The following PPA2 variants were observed in gnomAD, a reference collection of about 807,000 sequenced individuals.
PPA2 encodes the protein inorganic pyrophosphatase 2, mitochondrial.
Under a neutral mutation model 49.5 loss-of-function variants are expected in PPA2, and 48 were observed. The observed-to-expected ratio is 0.97, with a 90% CI of 0.77 to 1.23. PPA2 has a LOEUF of 1.23. Ranked by LOEUF, PPA2 falls within the 50% of genes most tolerant of loss-of-function variation. The probability of loss-of-function intolerance (pLI) is 0.00; values close to 1 mark genes in which losing one functional copy is unlikely to be tolerated. For missense variants in PPA2, 429 were observed against 410.1 expected, an observed-to-expected ratio of 1.05 and a Z score of -0.40; for synonymous variants, 131 against 139.9, an observed-to-expected ratio of 0.94 and a Z score of 0.45.
intron 1 of PPA2, among the ~76,000 whole-genome samples, chr4:105,464,353 A>C (rs1437366792): frequency 6.6e-6 from 1 of 152,198 alleles, no homozygotes; most frequent in Non-Finnish European, 1.5e-5. Context: ...CTGTGCCCCC[A>C]TTGTATCTAA....
intron 6 of PPA2, among the ~76,000 whole-genome samples, chr4:105,433,228 A>T (rs1001528764): frequency 1.3e-5 from 2 of 152,166 alleles, no homozygotes; most frequent in African/African-American, 4.8e-5. Context: ...TCTGAGGGAC[A>T]CTTTATATGT....
At chr4:105,469,866 C>T (rs926475229) in intron 1 of PPA2, among the ~76,000 whole-genome samples, 3 of 152,184 alleles carry the variant, frequency 2.0e-5, no homozygotes, top group South Asian at 4.1e-4. Flanking sequence ...GGATTATTCA[C>T]GGGAAGTTCT....
chr4:105,473,428 G>T, intron 1 of PPA2: 1 of 376,610 alleles, frequency 2.7e-6, no homozygotes, highest in Non-Finnish European at 5.2e-6. Flanking sequence ...AGTTCCGCCT[G>T]CCTCTCCGAC....
At chr4:105,431,688 T>A (rs552687272) in intron 6 of PPA2, among the ~76,000 whole-genome samples, 35 of 152,206 alleles carry the variant, frequency 2.3e-4, no homozygotes, top group African/African-American at 8.2e-4. Flanking sequence ...CAAATGCCCA[T>A]CAACTAATGA....
intron 7 of PPA2, among the ~76,000 whole-genome samples, chr4:105,419,535 G>A (rs935176821): frequency 1.3e-5 from 2 of 152,150 alleles, no homozygotes; most frequent in African/African-American, 4.8e-5. Flanking sequence ...TTTAGAAGGT[G>A]AAACTAGAAG....
intron 5 of PPA2, among the ~76,000 whole-genome samples, chr4:105,445,495 A>T (rs78911506): frequency 0.034 from 5,007 of 148,162 alleles, 275 homozygotes; most frequent in African/African-American, 0.11. Context: ...ATTTTTTTTT[A>T]AATTTTCCTG....
At chr4:105,375,626 C>A (rs1207088034) in intron 10 of PPA2, among the ~76,000 whole-genome samples, 1 of 152,088 alleles carries the variant, frequency 6.6e-6, no homozygotes, top group Non-Finnish European at 1.5e-5. Flanking sequence ...GTCAAAGCAA[C>A]CCTGGTGATA....
chr4:105,447,812 C>A (rs1722473583), intron 4 of PPA2, among the ~76,000 whole-genome samples: 1 of 151,042 alleles, frequency 6.6e-6, no homozygotes, highest in South Asian at 2.1e-4. Flanking sequence ...CAGCTCACTG[C>A]AACCTCTGCC....
At chr4:105,373,457 T>C (rs1386445827) in intron 10 of PPA2, among the ~76,000 whole-genome samples, 2 of 141,080 alleles carry the variant, frequency 1.4e-5, no homozygotes, top group Admixed American at 7.3e-5. Flanking sequence ...AGTATAACAA[T>C]ACAAAATTTT....
At chr4:105,433,363 C>A (rs1490828290) in intron 6 of PPA2, among the ~76,000 whole-genome samples, 3 of 152,164 alleles carry the variant, frequency 2.0e-5, no homozygotes, top group Non-Finnish European at 4.4e-5. Flanking sequence ...AGAGAAGTTT[C>A]ATCTTCCTTA....
intron 5 of PPA2, 31 bp downstream of exon 5, chr4:105,446,352 G>T: frequency 6.6e-7 from 1 of 1,523,788 alleles, no homozygotes; most frequent in South Asian, 1.3e-5. Flanking sequence ...CAGAAGACAG[G>T]AACATTTTAC....
intron 7 of PPA2, among the ~76,000 whole-genome samples, chr4:105,419,250 G>C (rs1723144798): frequency 6.6e-6 from 1 of 152,122 alleles, no homozygotes; most frequent in Non-Finnish European, 1.5e-5. Flanking sequence ...TTGGTGTGCT[G>C]CGCCCATTAA....
chr4:105,441,745 T>C (rs72950594), intron 5 of PPA2, among the ~76,000 whole-genome samples: 5,014 of 152,206 alleles, frequency 0.033, 273 homozygotes, highest in African/African-American at 0.11. Flanking sequence ...TAAAAATGAA[T>C]AAATCAGAAT....
At chr4:105,412,364 TG>T (rs1013810599) in intron 7 of PPA2, among the ~76,000 whole-genome samples, 12 of 152,206 alleles carry the variant, frequency 7.9e-5, no homozygotes, top group African/African-American at 2.9e-4. Flanking sequence ...ATTTAATAAA[TG>T]GTGCTGGGAA....
chr4:105,465,787 T>C (rs887319612), intron 1 of PPA2, among the ~76,000 whole-genome samples: 10 of 152,006 alleles, frequency 6.6e-5, no homozygotes, highest in Non-Finnish European at 1.5e-4. Context: ...AATAGCTGTA[T>C]AATAATGTGA....
At chr4:105,452,168 CTT>C (rs1368577377) in intron 3 of PPA2, among the ~76,000 whole-genome samples, 3 of 152,196 alleles carry the variant, frequency 2.0e-5, no homozygotes, top group Non-Finnish European at 4.4e-5. Flanking sequence ...AGAAATCACT[CTT>C]CTTTCCTCTC....
chr4:105,444,957 G>T (rs1724536007), intron 5 of PPA2, among the ~76,000 whole-genome samples: 1 of 152,070 alleles, frequency 6.6e-6, no homozygotes, highest in Non-Finnish European at 1.5e-5. Context: ...TTTTACAGAT[G>T]AAGAAAATGA....
chr4:105,458,873 A>C (rs1358594381), intron 1 of PPA2, among the ~76,000 whole-genome samples: 3 of 149,336 alleles, frequency 2.0e-5, no homozygotes, highest in Non-Finnish European at 3.0e-5. Context: ...TGAAATTGTT[A>C]ATTCCCACCA....
intron 2 of PPA2, chr4:105,456,473 A>G (rs1261003739): frequency 1.9e-6 from 1 of 525,332 alleles, no homozygotes; most frequent in Non-Finnish European, 3.5e-6. Context: ...TGTACCAGTA[A>G]CACCCCTTTC....
Sources: allele counts gnomAD v4.1 joint callset (sites outside exome capture counted in the v4.1 genomes callset), GRCh38; gene constraint gnomAD v4.1.1; transcripts MANE v1.5; gene names NCBI Gene and HGNC (gene_info 2026-07-23, HGNC 2026-07-21).